The following OSBPL11 variants were observed in gnomAD, a reference collection of about 807,000 sequenced individuals.
The protein encoded by OSBPL11 is oxysterol binding protein like 11.
In OSBPL11, 33 loss-of-function variants were observed where a neutral mutation model predicts 84.4. That is an observed-to-expected ratio of 0.39 (90% confidence interval 0.30 to 0.52). The LOEUF (loss-of-function observed/expected upper bound fraction) is 0.52, where lower values mean the gene tolerates loss of function less well. Ranked by LOEUF, OSBPL11 falls within the 20% of genes least tolerant of loss-of-function variation. The pLI, the probability that OSBPL11 is intolerant of heterozygous loss-of-function variation, is 0.72. For missense variants in OSBPL11, 736 were observed against 901.1 expected (o/e 0.82, Z 2.35); for synonymous variants, 276 against 310.2 (o/e 0.89, Z 1.16).
rs746486365 is a variant in OSBPL11 at position 125,594,668 on chromosome 3, G to GGCTGCT, written c.127_132dup (p.Ser43_Ser44dup). 5.0e-6 allele frequency: 8 copies of GGCTGCT among 1,613,718 alleles called. No homozygotes were observed. In the Admixed American group the frequency reaches 1.0e-4, roughly 20 times the overall value. On this transcript the variant is annotated inframe_insertion, in exon 1 of 13. Coordinates refer to ENST00000296220, the MANE Select transcript of OSBPL11 (RefSeq NM_022776.5). Reference sequence around the variant, plus strand: ...TGCCAGCCTTTTGCACTGCCACCGCGGCTGCTGCTGCTGCTACTGATTCCA... The same window carrying GGCTGCT: ...TGCCAGCCTTTTGCACTGCCACCGCGGCTGCTGCTGCTGCTGCTGCTACTGATTCCA...
At chr3:125,566,039 CTT>C (rs755605154) in intron 6 of OSBPL11, among the ~76,000 whole-genome samples, 2 of 152,118 alleles carry the variant, frequency 1.3e-5, no homozygotes, top group Non-Finnish European at 2.9e-5. Context: ...GAGTCTCACT[CTT>C]GTCACCCAGG....
intron 5 of OSBPL11, among the ~76,000 whole-genome samples, chr3:125,569,620 T>C (rs1936213987): frequency 6.6e-6 from 1 of 152,174 alleles, no homozygotes; most frequent in Admixed American, 6.5e-5. Context: ...GATCCAACAA[T>C]TACACTCTTA....
chr3:125,570,536 T>C (rs1016161148), intron 5 of OSBPL11, among the ~76,000 whole-genome samples: 1 of 152,102 alleles, frequency 6.6e-6, no homozygotes, highest in Non-Finnish European at 1.5e-5. Flanking sequence ...ATGGTTTGGC[T>C]GTGTCCCCAC....
intron 7 of OSBPL11, among the ~76,000 whole-genome samples, chr3:125,561,513 A>T (rs150842653): frequency 6.6e-6 from 1 of 152,222 alleles, no homozygotes; most frequent in African/African-American, 2.4e-5. Context: ...AATCCAATTG[A>T]TTTTTCATTT....
chr3:125,577,999 A>G (rs929562105), intron 4 of OSBPL11, among the ~76,000 whole-genome samples: 4 of 152,182 alleles, frequency 2.6e-5, no homozygotes, highest in African/African-American at 9.7e-5. Context: ...AAATGAAATC[A>G]TATGTTCACA....
chr3:125,539,272 T>C (rs1341574603), intron 10 of OSBPL11, among the ~76,000 whole-genome samples: 1 of 136,006 alleles, frequency 7.4e-6, no homozygotes, highest in Admixed American at 7.4e-5. Context: ...ACTACTGCTA[T>C]TGAAGTTTAA....
intron 9 of OSBPL11, among the ~76,000 whole-genome samples, chr3:125,551,829 AT>A (rs1375272218): frequency 3.9e-5 from 6 of 152,104 alleles, no homozygotes; most frequent in African/African-American, 1.2e-4. Flanking sequence ...TCAGAAAAAA[AT>A]AATTTAAAAA....
chr3:125,583,030 G>A (rs1314179367), intron 1 of OSBPL11, 52 bp from the exon 2 acceptor site: 1 of 1,306,012 alleles, frequency 7.7e-7, no homozygotes, highest in African/African-American at 1.5e-5. Context: ...GAAATCCCAG[G>A]AGGATAATGG....
At chr3:125,582,853 G>C in intron 2 of OSBPL11, 57 bp downstream of exon 2, 1 of 1,173,086 alleles carries the variant, frequency 8.5e-7, no homozygotes. Flanking sequence ...TAAAATTATT[G>C]GGCCCTATTC....
At chr3:125,562,574 T>C (rs1936094305) in intron 7 of OSBPL11, among the ~76,000 whole-genome samples, 1 of 152,226 alleles carries the variant, frequency 6.6e-6, no homozygotes, top group African/African-American at 2.4e-5. Context: ...AAACTATGCA[T>C]TACTCTTGAC....
intron 5 of OSBPL11, among the ~76,000 whole-genome samples, chr3:125,574,069 T>G (rs1936281020): frequency 6.6e-6 from 1 of 152,164 alleles, no homozygotes; most frequent in Non-Finnish European, 1.5e-5. Context: ...GAGACCCCTG[T>G]GAGACTCCTT....
chr3:125,538,758 T>A (rs574019790), intron 10 of OSBPL11, 125 bp from the exon 11 acceptor site: 2 of 693,016 alleles, frequency 2.9e-6, no homozygotes, highest in Admixed American at 3.0e-5. Context: ...CACTTCAATA[T>A]GTCAGTGCCA....
chr3:125,530,675 A>G, intron 12 of OSBPL11, 95 bp from the exon 13 acceptor site: 3 of 1,007,102 alleles, frequency 3.0e-6, no homozygotes, highest in East Asian at 4.9e-5. Flanking sequence ...ATGGAATTCT[A>G]TTTTCACATT....
chr3:125,580,120 C>T (rs916194049), intron 2 of OSBPL11, 80 bp from the exon 3 acceptor site: 1 of 1,191,770 alleles, frequency 8.4e-7, no homozygotes, highest in Non-Finnish European at 1.2e-6. Context: ...CAATCACTTA[C>T]ACATTTCAGG....
At chr3:125,547,346 G>A (rs1289402040) in intron 10 of OSBPL11, 60 bp downstream of exon 10, 1 of 1,400,562 alleles carries the variant, frequency 7.1e-7, no homozygotes, top group Non-Finnish European at 9.9e-7. Flanking sequence ...AGAATAAGGA[G>A]TTGTAATACA....
chr3:125,548,869 T>G (rs1254428811), intron 9 of OSBPL11, among the ~76,000 whole-genome samples: 1 of 149,536 alleles, frequency 6.7e-6, no homozygotes, highest in African/African-American at 2.4e-5. Context: ...CAAAGCAACA[T>G]CAACTATTTT....
chr3:125,549,729 C>T (rs751271617), intron 9 of OSBPL11, among the ~76,000 whole-genome samples: 5 of 152,106 alleles, frequency 3.3e-5, no homozygotes, highest in Non-Finnish European at 7.3e-5. Context: ...TCAAGCTATC[C>T]TTCCACCTCG....
chr3:125,576,203 C>T lies in OSBPL11; in HGVS notation c.652G>A (p.Val218Met), dbSNP rs773918938. 3 of 1,606,244 alleles carry T rather than the reference C, an allele frequency of 1.9e-6. No homozygotes were observed. Among genetic ancestry groups the T allele is most frequent in the Non-Finnish European group, 2.5e-6 (3 of 1,177,864 alleles). Residue 218 changes from valine to methionine, a missense_variant, in exon 5 of 13, where the codon GTG becomes ATG. Transcript: ENST00000296220. ...TTCATACTTACTTCTCTGACTTCCA[C>T]AAGATGGTCTGGAGGTAAATTAGTT... ...KRTNLPPDHLVEVREMMSHAE... is the reference protein window; with the variant it reads ...KRTNLPPDHLMEVREMMSHAE...
intron 9 of OSBPL11, 43 bp from the exon 10 acceptor site, chr3:125,547,635 A>C (rs977843996): frequency 6.4e-6 from 9 of 1,416,168 alleles, no homozygotes; most frequent in Non-Finnish European, 7.7e-6. Flanking sequence ...TTTTTAAAGA[A>C]ACAGCTAATG....
Sources: gnomAD v4.1 joint callset for allele counts (sites outside exome capture counted in the v4.1 genomes callset) on GRCh38, gnomAD v4.1.1 for gene constraint, MANE v1.5 for transcripts, NCBI Gene and HGNC (gene_info 2026-07-23, HGNC 2026-07-21) for gene names.